The following FGF13 variants were observed in gnomAD, a reference collection of about 807,000 sequenced individuals.
The protein encoded by FGF13 is fibroblast growth factor homologous factor 2.
Under a neutral mutation model 19.5 loss-of-function variants are expected in FGF13, and 2 were observed. The observed-to-expected ratio is 0.10, with a 90% CI of 0.04 to 0.32. FGF13 has a LOEUF of 0.32. Among genes scored for constraint, FGF13 ranks in the 10% least tolerant of loss-of-function variants. The pLI is 1.00. For missense variants in FGF13, 113 were observed against 192.7 expected (o/e 0.59, Z 2.45); for synonymous variants, 72 against 76.9 (o/e 0.94, Z 0.33).
chrX:139,134,770 TC>T (rs1245128861), intron 1 of FGF13, among the ~76,000 whole-genome samples: 1 of 112,143 alleles, frequency 8.9e-6, no homozygotes, highest in Non-Finnish European at 1.9e-5. Context: ...TGCCTCAGCC[TC>T]CCCAGTAGCT....
intron 3 of FGF13, among the ~76,000 whole-genome samples, chrX:138,780,034 T>C (rs1488785835): frequency 3.0e-5 from 3 of 101,684 alleles, no homozygotes; most frequent in Non-Finnish European, 6.0e-5. Context: ...AAAAGAATTT[T>C]CAACCCAGAA....
At chrX:138,734,360 T>TC (rs752679767) in intron 1 of FGF13, among the ~76,000 whole-genome samples, 32 of 111,792 alleles carry the variant, frequency 2.9e-4, no homozygotes, top group Non-Finnish European at 5.3e-4. Flanking sequence ...GGTTTTTTTT[T>TC]CACATAAATG....
At chrX:138,737,514 T>C (rs755682259) in intron 1 of FGF13, among the ~76,000 whole-genome samples, 1 of 111,973 alleles carries the variant, frequency 8.9e-6, no homozygotes, top group Non-Finnish European at 1.9e-5. Flanking sequence ...CAAACATACA[T>C]TTATTAAAAA....
In FGF13 at chrX:138,953,262, G is replaced by C. The variant is rs183033093; in HGVS notation, c.-112-88612C>G. On this transcript the variant is annotated intron_variant, in intron 1 of 2. Coordinates refer to the FGF13 transcript ENST00000421460. ...ACTATGCAGCCATAAAAAGGGATGAGTTCATGTCCTGTGCAGGGACATGGA... is the reference window on the plus strand; with the variant it reads ...ACTATGCAGCCATAAAAAGGGATGACTTCATGTCCTGTGCAGGGACATGGA... 4.3e-3 allele frequency among the ~76,000 whole-genome samples: 477 copies of C among 111,348 alleles called. 1 individual carries two copies. Among genetic ancestry groups the C allele is most frequent in the Non-Finnish European group, 7.3e-3 (388 of 53,075 alleles).
intron 1 of FGF13, among the ~76,000 whole-genome samples, chrX:138,901,614 A>G (rs1409867984): frequency 9.0e-6 from 1 of 111,661 alleles, no homozygotes; most frequent in Non-Finnish European, 1.9e-5. Context: ...TCCATGATTT[A>G]TCCCCCTGGC....
At chrX:138,745,685 CTA>C (rs1207466370) in intron 3 of FGF13, among the ~76,000 whole-genome samples, 1 of 112,309 alleles carries the variant, frequency 8.9e-6, no homozygotes, top group Non-Finnish European at 1.9e-5. Flanking sequence ...AATTCTTACT[CTA>C]TTTCAGGAAA....
At chrX:138,871,218 G>C (rs1469044856) in intron 1 of FGF13, among the ~76,000 whole-genome samples, 1 of 112,376 alleles carries the variant, frequency 8.9e-6, no homozygotes, top group Non-Finnish European at 1.9e-5. Context: ...TATTTAACCT[G>C]AGAAGAAAAC....
At chrX:139,015,027 C>T (rs1246969268) in intron 1 of FGF13, among the ~76,000 whole-genome samples, 8 of 110,805 alleles carry the variant, frequency 7.2e-5, no homozygotes, top group Non-Finnish European at 1.5e-4. Context: ...CTCTTCATGA[C>T]AAAAACCCTC....
intron 1 of FGF13, among the ~76,000 whole-genome samples, chrX:138,940,609 A>G (rs2091753022): frequency 9.0e-6 from 1 of 111,728 alleles, no homozygotes; most frequent in African/African-American, 3.3e-5. Context: ...ATTTTTGTAT[A>G]TGGTGTAAGG....
At chrX:139,066,623 T>C (rs1424852437) in intron 1 of FGF13, among the ~76,000 whole-genome samples, 1 of 111,599 alleles carries the variant, frequency 9.0e-6, no homozygotes, top group Non-Finnish European at 1.9e-5. Context: ...TTCTGAAGTC[T>C]AGGCAGTAAC....
intron 1 of FGF13, among the ~76,000 whole-genome samples, chrX:138,952,533 T>A (rs1454332637): frequency 3.6e-5 from 4 of 111,628 alleles, no homozygotes; most frequent in African/African-American, 1.3e-4. Flanking sequence ...ACTTCATGTC[T>A]AAAACACCAA....
intron 1 of FGF13, among the ~76,000 whole-genome samples, chrX:138,900,063 C>G: frequency 9.0e-6 from 1 of 111,343 alleles, no homozygotes; most frequent in Non-Finnish European, 1.9e-5. Context: ...AGAATTAAAG[C>G]TAAAAATGAT....
intron 3 of FGF13, among the ~76,000 whole-genome samples, chrX:138,753,355 T>C (rs1195098598): frequency 2.7e-5 from 3 of 112,416 alleles, no homozygotes; most frequent in Non-Finnish European, 5.6e-5. Context: ...AGCAAATATA[T>C]AGAAATTTAT....
At chrX:139,036,582 G>C (rs373910113) in intron 1 of FGF13, among the ~76,000 whole-genome samples, 2 of 111,386 alleles carry the variant, frequency 1.8e-5, no homozygotes, top group Non-Finnish European at 1.9e-5. Context: ...GGTTTCTGGG[G>C]CTTGCTCCAA....
At chrX:138,698,981 G>A (rs965537001) in intron 3 of FGF13, among the ~76,000 whole-genome samples, 3 of 111,304 alleles carry the variant, frequency 2.7e-5, no homozygotes, top group Admixed American at 9.5e-5. Flanking sequence ...TTTGACCCAC[G>A]GCCTTAGCTT....
chrX:138,923,990 G>A (rs1203723231), intron 1 of FGF13, among the ~76,000 whole-genome samples: 1 of 112,062 alleles, frequency 8.9e-6, no homozygotes, highest in Non-Finnish European at 1.9e-5. Flanking sequence ...GAGTAAGGCA[G>A]GAAAGGATAA....
rs1321086836 is a variant in FGF13 at position 139,131,379 on chromosome X, AG to A, written c.-113+72036del. On this transcript the variant is annotated intron_variant, in intron 1 of 2. Coordinates refer to the FGF13 transcript ENST00000421460. ...AATTGTTGTATGGATTAGAATATAGAGGGGTGTGTGTGTGTGTGTGTGTGTG... is the reference window on the plus strand; with the variant it reads ...AATTGTTGTATGGATTAGAATATAGAGGGTGTGTGTGTGTGTGTGTGTGTG... Among the ~76,000 whole-genome samples the A allele has an allele frequency of 9.5e-3, 632 of 66,552 alleles. 9 individuals are homozygous for A. In the South Asian group the frequency reaches 0.095, roughly 10 times the overall value. 57.8% of individuals were successfully genotyped at this position (66,552 alleles called of 115,157 possible). A position where few individuals can be genotyped will look rare whatever the true frequency, so the allele number is the denominator to read the frequency against.
At chrX:139,038,441 C>T (rs2092257556) in intron 1 of FGF13, among the ~76,000 whole-genome samples, 1 of 111,522 alleles carries the variant, frequency 9.0e-6, no homozygotes, top group Admixed American at 9.6e-5. Flanking sequence ...TTAAAACCTT[C>T]CTACCTGCCC....
intron 3 of FGF13, among the ~76,000 whole-genome samples, chrX:138,650,093 A>G (rs913136802): frequency 1.8e-5 from 2 of 111,954 alleles, no homozygotes; most frequent in African/African-American, 3.2e-5. Flanking sequence ...CCCAGGTCTC[A>G]GCCTGAACTC....
Sources: allele counts gnomAD v4.1 joint callset (sites outside exome capture counted in the v4.1 genomes callset), GRCh38; gene constraint gnomAD v4.1.1; transcripts MANE v1.5; gene names NCBI Gene and HGNC (gene_info 2026-07-23, HGNC 2026-07-21).